DAPK2: variants seen among roughly 807,000 people sequenced by gnomAD.
The protein encoded by DAPK2 is death associated protein kinase 2, also known as death-associated protein kinase 2.
Under a neutral mutation model 44.1 loss-of-function variants are expected in DAPK2, and 35 were observed. The ratio of observed to expected loss-of-function variants is 0.79; its 90% CI spans 0.61 to 1.05. DAPK2 has a LOEUF of 1.05. Ranked by LOEUF, DAPK2 falls within the 50% of genes least tolerant of loss-of-function variation. DAPK2 has a pLI of 0.00. For synonymous variants in DAPK2, 174 were observed against 182.6 expected (o/e 0.95, Z 0.38); for missense variants, 453 against 483.2 (o/e 0.94, Z 0.59).
At chr15:63,925,676 GCGCACACACACACACA>G (rs1567206788) in intron 7 of DAPK2, among the ~76,000 whole-genome samples, 6 of 51,324 alleles carry the variant, frequency 1.2e-4, no homozygotes, top group African/African-American at 3.6e-4. Flanking sequence ...CTGACTTGTA[GCGCACACACACACACA>G]CACACACACA....
At chr15:63,922,327 T>C (rs1301680164) in intron 8 of DAPK2, 2 of 999,950 alleles carry the variant, frequency 2.0e-6, no homozygotes, top group Non-Finnish European at 2.4e-6. Context: ...GCTGACTTAG[T>C]TATTCCTAAT....
chr15:64,046,290 C>G lies in DAPK2; in HGVS notation c.-7+8G>C, dbSNP rs1303897346. The G allele has an allele frequency of 2.0e-6, 2 of 977,942 alleles. No individual in the cohort carries two copies. The highest frequency in any genetic ancestry group is 2.4e-6 in the Non-Finnish European group (2 of 825,724). The allele number at this position is 977,942 out of a possible 1,614,324, so 60.6% of individuals were successfully genotyped here. On this transcript the variant is annotated splice_region_variant and intron_variant, in intron 1 of 11. Transcript: ENST00000457488. This position sits in a 1 kb window ranked among gnomAD's most constrained non-coding sequence, Gnocchi z 5.3. ...CGCCCATCGAGCCCGCAGACGGGTG[C>G]TACTCACGGCGGGAGGCTGAGCTGC...
At chr15:63,911,226 C>CA (rs33985538) in intron 10 of DAPK2, 4,722 of 131,026 alleles carry the variant, frequency 0.036, 92 homozygotes, top group African/African-American at 0.051. Flanking sequence ...TCTAAACAAA[C>CA]AAAAAAAAAA....
upstream of DAPK2, chr15:64,046,327 C>CCGCGGCGGG (rs1567295665): frequency 1.2e-5 from 11 of 950,780 alleles, no homozygotes; most frequent in African/African-American, 2.2e-4. The surrounding 1 kb of genome is among the most constrained non-coding windows in gnomAD (Gnocchi z 5.3). Context: ...GCGGTCGCGG[C>CCGCGGCGGG]CGCGGCAGGC....
intron 1 of DAPK2, among the ~76,000 whole-genome samples, chr15:64,039,336 T>C (rs1375859626): frequency 6.6e-6 from 1 of 152,226 alleles, no homozygotes; most frequent in African/African-American, 2.4e-5. Flanking sequence ...GGAGAGGGCA[T>C]AACAGGTGTG....
At chr15:63,982,960 G>T (rs2078564513) in intron 2 of DAPK2, among the ~76,000 whole-genome samples, 1 of 152,234 alleles carries the variant, frequency 6.6e-6, no homozygotes, top group Non-Finnish European at 1.5e-5. Context: ...GATTGAACAA[G>T]ACGACAGATA....
chr15:63,922,478 G>A (rs772741470), intron 8 of DAPK2: 72 of 1,252,626 alleles, frequency 5.7e-5, no homozygotes, highest in Non-Finnish European at 7.1e-5. Context: ...GGGACCCTGA[G>A]GGGTACTCAC....
intron 3 of DAPK2, among the ~76,000 whole-genome samples, chr15:63,953,653 G>GA (rs1181866989): frequency 6.6e-6 from 1 of 152,160 alleles, no homozygotes; most frequent in Admixed American, 6.5e-5. Flanking sequence ...GGGATTGCTG[G>GA]ATCGTTATGT....
chr15:64,007,996 G>C (rs1031151896), intron 1 of DAPK2, among the ~76,000 whole-genome samples: 4 of 152,218 alleles, frequency 2.6e-5, no homozygotes, highest in Non-Finnish European at 4.4e-5. Flanking sequence ...AGGAAGATTA[G>C]TGGTTGCCTA....
At chr15:64,006,489 C>G (rs1595883804) in intron 1 of DAPK2, among the ~76,000 whole-genome samples, 2 of 152,234 alleles carry the variant, frequency 1.3e-5, no homozygotes, top group Middle Eastern at 6.8e-3. Flanking sequence ...ATTAGACGCT[C>G]AAGAGAAGCA....
chr15:63,997,567 G>T (rs953796373), intron 1 of DAPK2, among the ~76,000 whole-genome samples: 5 of 152,168 alleles, frequency 3.3e-5, no homozygotes, highest in African/African-American at 7.2e-5. Context: ...CTGACTTCAG[G>T]TGATCTGCCC....
Position 64,026,494 on chromosome 15 carries a change from T to C in DAPK2, c.92+13676A>G, listed in dbSNP as rs555760601. On this transcript the variant is annotated intron_variant, in intron 1 of 10. Coordinates refer to ENST00000261891, the Ensembl canonical transcript of DAPK2. ...CCTGGGCTCAAGCTATCTACCCACC[T>C]CCACCTCCCAAAGTGCTGGGATTAC... Among the ~76,000 whole-genome samples, 28 of 152,212 alleles carry C rather than the reference T, an allele frequency of 1.8e-4. No homozygotes were observed. In the South Asian group the frequency reaches 5.4e-3, roughly 29 times the overall value.
In DAPK2 at chr15:64,020,795, T is replaced by A. The variant is rs2079659597; in HGVS notation, c.92+19375A>T. Among the ~76,000 whole-genome samples, 1 of 152,146 alleles carries A rather than the reference T, an allele frequency of 6.6e-6. No homozygotes were observed. Among genetic ancestry groups the A allele is most frequent in the African/African-American group, 2.4e-5 (1 of 41,432 alleles). On this transcript the variant is annotated intron_variant, in intron 1 of 10. Transcript: ENST00000261891. The surrounding 1 kb of genome is among the most constrained non-coding windows in gnomAD (Gnocchi z 4.5). ...AATAAATCAAAAGGGAAAGGATAGG[T>A]AACTTGGTGTGATACCAAATGCCTA...
At chr15:63,969,773 G>A (rs1441117501) in intron 3 of DAPK2, among the ~76,000 whole-genome samples, 1 of 151,856 alleles carries the variant, frequency 6.6e-6, no homozygotes, top group Non-Finnish European at 1.5e-5. Context: ...GTGAGCCTAA[G>A]GAAGGAGGAC....
At chr15:63,936,428 T>C (rs1018441680) in intron 4 of DAPK2, among the ~76,000 whole-genome samples, 2 of 152,054 alleles carry the variant, frequency 1.3e-5, no homozygotes, top group Non-Finnish European at 2.9e-5. Flanking sequence ...CTGGCCAACA[T>C]GGTGAAACCC....
intron 1 of DAPK2, among the ~76,000 whole-genome samples, chr15:64,016,024 G>T (rs968179097): frequency 1.3e-5 from 2 of 152,224 alleles, no homozygotes; most frequent in African/African-American, 4.8e-5. Context: ...AGGGAGGAAG[G>T]CTTGGGTTCT....
intron 3 of DAPK2, among the ~76,000 whole-genome samples, chr15:63,943,750 C>T (rs1028554038): frequency 3.3e-5 from 5 of 152,148 alleles, no homozygotes; most frequent in Admixed American, 1.3e-4. Flanking sequence ...GTGGCACACG[C>T]CTGTAGTTGC....
chr15:63,971,214 G>A (rs146915579), intron 3 of DAPK2, among the ~76,000 whole-genome samples: 24 of 152,284 alleles, frequency 1.6e-4, no homozygotes, highest in African/African-American at 5.3e-4. Flanking sequence ...CTTGCAGTCA[G>A]CTCCAGTGTG....
At chr15:63,996,536 C>G (rs1051703200) in intron 1 of DAPK2, among the ~76,000 whole-genome samples, 2 of 152,216 alleles carry the variant, frequency 1.3e-5, no homozygotes, top group African/African-American at 2.4e-5. Context: ...GGGCATCTGG[C>G]TTTTGATCTT....
Sources: allele counts gnomAD v4.1 joint callset (sites outside exome capture counted in the v4.1 genomes callset), GRCh38; gene constraint gnomAD v4.1.1; non-coding constraint Gnocchi (gnomAD v3.1); transcripts MANE v1.5; gene names NCBI Gene and HGNC (gene_info 2026-07-23, HGNC 2026-07-21).